GLRX3: variants seen among roughly 807,000 people sequenced by gnomAD.
The protein encoded by GLRX3 is glutaredoxin 3.
Under a neutral mutation model 49.5 loss-of-function variants are expected in GLRX3, and 22 were observed. The ratio of observed to expected loss-of-function variants is 0.44; its 90% confidence interval spans 0.32 to 0.63. The LOEUF (loss-of-function observed/expected upper bound fraction) is 0.63. Ranked by LOEUF, GLRX3 falls within the 30% of genes least tolerant of loss-of-function variation. The pLI is 0.05. For synonymous variants in GLRX3, 133 were observed against 140.0 expected (o/e 0.95, Z 0.35); for missense variants, 385 against 396.3 (o/e 0.97, Z 0.24).
rs1862696344 is a variant in GLRX3 at position 130,166,618 on chromosome 10, G to T, written c.590G>T (p.Trp197Leu). 1 of 1,610,922 alleles carries T rather than the reference G, an allele frequency of 6.2e-7. No homozygotes were observed. Among genetic ancestry groups the T allele is most frequent in the East Asian group, 2.2e-5 (1 of 44,842 alleles). The change falls in exon 5 of 11, where the codon TGG (tryptophan) becomes TTG (leucine). Residue 197 changes from tryptophan (W) to leucine (L), a missense_variant. Trp to Leu is a moderately conservative substitution (Grantham distance 61). This residue lies in a region of GLRX3 where 374 missense variants were observed against 358.6 expected (regional missense o/e 1.04). Transcript: ENST00000331244. Reference sequence around the variant, plus strand: ...CAGGGACTCAAAGCCTATTCCAGTTGGCCTACCTATCCTCAGCTCTATGTT... The same window carrying T: ...CAGGGACTCAAAGCCTATTCCAGTTTGCCTACCTATCCTCAGCTCTATGTT... Reference protein sequence around the residue: ...VRQGLKAYSSWPTYPQLYVSG... With the variant: ...VRQGLKAYSSLPTYPQLYVSG...
chr10:130,170,948 G>A (rs1429795783), intron 7 of GLRX3, among the ~76,000 whole-genome samples: 3 of 152,046 alleles, frequency 2.0e-5, no homozygotes, highest in East Asian at 1.9e-4. Context: ...CTAACATGGT[G>A]AAACCCCATC....
At chr10:130,154,354 A>G (rs2134891416) in intron 2 of GLRX3, among the ~76,000 whole-genome samples, 1 of 152,234 alleles carries the variant, frequency 6.6e-6, no homozygotes, top group Non-Finnish European at 1.5e-5. Context: ...CTGTCCAACC[A>G]GTCCCAATAA....
chr10:130,146,805 CTCTT>C lies in GLRX3; in HGVS notation c.201+1490_201+1493del, dbSNP rs1334719039. Among the ~76,000 whole-genome samples, 160 of 152,284 alleles carry C rather than the reference CTCTT, an allele frequency of 1.1e-3. 1 individual carries two copies. The highest frequency in any genetic ancestry group is 3.5e-3 in the African/African-American group (147 of 41,564). On this transcript the variant is annotated intron_variant, in intron 2 of 10. Transcript: ENST00000331244. ...ACATCAACTGTATTGGTCTGTATGC[CTCTT>C]TCTATGTAAACTGAAAACACAGAAT... is the stretch of plus-strand genomic sequence containing the variant.
rs766691448 is a variant in GLRX3 at position 130,171,596 on chromosome 10, G to C, written c.784G>C (p.Gly262Arg). 1 of 1,543,206 alleles carries C rather than the reference G, an allele frequency of 6.5e-7. No homozygotes were observed. The highest frequency in any genetic ancestry group is 1.7e-5 in the Admixed American group (1 of 59,928). ...MKGNKQEAKC[G>R]FSKQILEILN... ...TTTTTTCATTTAGGAAGCAAAATGT[G>C]GATTCAGCAAACAAATTCTGGAAAT... The change falls in exon 8 of 11, where the codon GGA becomes CGA. Residue 262 changes from glycine (G) to arginine (R), a missense_variant. Transcript: ENST00000331244.
chr10:130,155,436 C>T (rs2134893199), intron 2 of GLRX3, among the ~76,000 whole-genome samples: 1 of 152,276 alleles, frequency 6.6e-6, no homozygotes, highest in East Asian at 1.9e-4. Flanking sequence ...TTAGGAGGCT[C>T]CTAGGCCAGG....
In GLRX3 at chr10:130,159,783, A is replaced by G. The variant is rs894848539; in HGVS notation, c.202-212A>G. The stretch of plus-strand genomic sequence containing the variant: ...TTTTGAAATGTGCAACAAAATAAAA[A>G]CCTCTGAACCTGTTTTGACACTGCA... On this transcript the variant is annotated intron_variant, in intron 2 of 10. Coordinates refer to ENST00000331244, the MANE Select transcript of GLRX3 (RefSeq NM_006541.5). 1.2e-5 allele frequency: 16 copies of G among 1,291,118 alleles called. No individual in the cohort carries two copies. In the Admixed American group the frequency reaches 4.0e-4, roughly 32 times the overall value. The allele number at this position is 1,291,118 out of a possible 1,614,324, so 80.0% of individuals were successfully genotyped here.
At chr10:130,175,670 A>G (rs759052031) in intron 10 of GLRX3, among the ~76,000 whole-genome samples, 31 of 152,228 alleles carry the variant, frequency 2.0e-4, no homozygotes, top group Non-Finnish European at 4.3e-4. Context: ...TGTTGGATGG[A>G]TAAGTGACTT....
At position 130,166,552 on chromosome 10, in the gene GLRX3, A is replaced by G; in HGVS notation, c.524A>G (p.Gln175Arg). The change falls in exon 5 of 11, where the codon CAG becomes CGG. Residue 175 changes from glutamine to arginine, a missense_variant. Physicochemically the swap from Gln to Arg is conservative, Grantham distance 43. Coordinates refer to ENST00000331244, the MANE Select transcript of GLRX3 (RefSeq NM_006541.5). Reference protein sequence around the residue: ...MVEILHKHNIQFSSFDIFSDE... With the variant: ...MVEILHKHNIRFSSFDIFSDE... ...GAAATTCTTCACAAACATAATATTC[A>G]GTTTAGCAGTTTTGATATCTTCTCA... 2 of 1,612,864 alleles carry G rather than the reference A, an allele frequency of 1.2e-6. No homozygotes were observed. Among genetic ancestry groups the G allele is most frequent in the Non-Finnish European group, 1.7e-6 (2 of 1,178,912 alleles).
At chr10:130,162,639 G>A (rs1343214860) in intron 4 of GLRX3, among the ~76,000 whole-genome samples, 1 of 152,164 alleles carries the variant, frequency 6.6e-6, no homozygotes, top group South Asian at 2.1e-4. Flanking sequence ...AATCTCTACA[G>A]TATTCTCTCC....
intron 1 of GLRX3, among the ~76,000 whole-genome samples, chr10:130,143,022 C>T (rs762380205): frequency 6.6e-6 from 1 of 152,202 alleles, no homozygotes; most frequent in African/African-American, 2.4e-5. Context: ...CTTCCCTGAG[C>T]TCTAGACATC....
intron 4 of GLRX3, among the ~76,000 whole-genome samples, chr10:130,164,505 G>A (rs1268993490): frequency 1.3e-5 from 2 of 152,152 alleles, no homozygotes; most frequent in Non-Finnish European, 1.5e-5. Context: ...TTATTGTTAG[G>A]TAGTGATGAG....
chr10:130,147,277 T>TA (rs538058654), intron 2 of GLRX3, among the ~76,000 whole-genome samples: 83 of 152,346 alleles, frequency 5.4e-4, no homozygotes, highest in African/African-American at 1.9e-3. Flanking sequence ...ATCATAAGAT[T>TA]AATCAAGATG....
intron 2 of GLRX3, among the ~76,000 whole-genome samples, chr10:130,145,591 G>A (rs1445140916): frequency 6.6e-6 from 1 of 152,040 alleles, no homozygotes; most frequent in Non-Finnish European, 1.5e-5. Context: ...GAACCCGGGA[G>A]GCAGAGATTG....
chr10:130,136,483 G>C lies in GLRX3; in HGVS notation c.63G>C (p.Gln21His), dbSNP rs13991. 0.19 allele frequency: 245,593 copies of C among 1,266,212 alleles called. 24,691 individuals carry two copies. Among genetic ancestry groups the C allele is most frequent in the Middle Eastern group, 0.24 (791 of 3,280 alleles). 78.4% of individuals were successfully genotyped at this position (1,266,212 alleles called of 1,614,324 possible). A position where few individuals can be genotyped will look rare whatever the true frequency, so the allele number is the denominator to read the frequency against. Reference sequence around the variant, plus strand: ...TGGAGGAGGTCGGCTCAGCCGGGCAGTTTGAGGAGCTGCTGCGCCTCAAAG... The same window carrying C: ...TGGAGGAGGTCGGCTCAGCCGGGCACTTTGAGGAGCTGCTGCGCCTCAAAG... ...AAVEEVGSAGQFEELLRLKAK... is the reference protein window; with the variant it reads ...AAVEEVGSAGHFEELLRLKAK... Residue 21 changes from glutamine (Q) to histidine (H), a missense_variant, in exon 1 of 11, where the codon CAG (glutamine) becomes CAC (histidine). Gln to His is a conservative substitution (Grantham distance 24). Coordinates refer to ENST00000331244, the MANE Select transcript of GLRX3 (RefSeq NM_006541.5).
At chr10:130,164,985 A>G (rs1038715235) in intron 4 of GLRX3, among the ~76,000 whole-genome samples, 18 of 152,260 alleles carry the variant, frequency 1.2e-4, no homozygotes, top group Admixed American at 5.9e-4. Flanking sequence ...CTTATATGCT[A>G]TACAAATAAA....
At chr10:130,167,582 G>A (rs957508094) in intron 6 of GLRX3, among the ~76,000 whole-genome samples, 2 of 152,020 alleles carry the variant, frequency 1.3e-5, no homozygotes, top group Non-Finnish European at 1.5e-5. Context: ...CAACTTAATG[G>A]GATTTTTATT....
At chr10:130,136,643 G>T (rs1329385826) in intron 1 of GLRX3, 131 bp downstream of exon 1, 1 of 1,124,038 alleles carries the variant, frequency 8.9e-7, no homozygotes, top group Non-Finnish European at 1.1e-6. Flanking sequence ...CGGGGGACCG[G>T]GCCCGGCGCC....
Position 130,160,089 on chromosome 10 carries a change from A to G in GLRX3, c.276+20A>G. ...TTCAAGGTAAGGATAAAGGTGGTAC[A>G]AGAGATTATCCATTTGTAGGGTGCC... is the stretch of plus-strand genomic sequence containing the variant. On this transcript the variant is annotated intron_variant, in intron 3 of 10. Transcript: ENST00000331244. 6.8e-7 allele frequency: 1 copy of G among 1,472,892 alleles called. No individual in the cohort carries two copies. Among genetic ancestry groups the G allele is most frequent in the Non-Finnish European group, 9.5e-7 (1 of 1,051,756 alleles). The allele number at this position is 1,472,892 out of a possible 1,614,324, so 91.2% of individuals were successfully genotyped here. A position where few individuals can be genotyped will look rare whatever the true frequency, so the allele number is the denominator to read the frequency against.
chr10:130,156,672 A>ATCCGATG (rs906337416), intron 2 of GLRX3, among the ~76,000 whole-genome samples: 45 of 152,352 alleles, frequency 3.0e-4, no homozygotes, highest in African/African-American at 1.0e-3. Context: ...TCACAGTGGC[A>ATCCGATG]TCCGATGACC....
Sources: gnomAD v4.1 joint callset for allele counts (sites outside exome capture counted in the v4.1 genomes callset) on GRCh38, gnomAD v4.1.1 for gene constraint, gnomAD v4.1.1 regional missense constraint, MANE v1.5 for transcripts, NCBI Gene and HGNC (gene_info 2026-07-23, HGNC 2026-07-21) for gene names.